KRTAP13-1: variants seen among roughly 807,000 people sequenced by gnomAD.
KRTAP13-1 encodes the protein keratin associated protein 13-1.
For missense variants in KRTAP13-1, 200 were observed against 204.8 expected (o/e 0.98, Z 0.14); for synonymous variants, 104 against 85.3 (o/e 1.22, Z -1.21).
rs113504861 is a variant in KRTAP13-1, at chr21:30,396,253, G to C, written c.167G>C (p.Cys56Ser). ...CQLGSSLYRG[C>S]QQTCWEPTSC... is the part of the protein sequence containing the mutation. Reference sequence around the variant, plus strand: ...CTGGGTTCCTCTCTCTATAGGGGCTGTCAGCAGACCTGCTGGGAGCCCACC... The same window carrying C: ...CTGGGTTCCTCTCTCTATAGGGGCTCTCAGCAGACCTGCTGGGAGCCCACC... Residue 56 changes from cysteine (C) to serine (S), a missense_variant, in exon 1 of 1, where the codon TGT (cysteine) becomes TCT (serine). Cys to Ser is a moderately radical substitution (Grantham distance 112, BLOSUM62 -1). Transcript: ENST00000355459. 2,155 of 1,614,138 alleles carry C rather than the reference G, an allele frequency of 1.3e-3. 23 individuals carry two copies. In the African/African-American group the frequency reaches 0.02, roughly 15 times the overall value.
chr21:30,396,577 C>A lies in KRTAP13-1; in HGVS notation c.491C>A (p.Pro164Gln), dbSNP rs773997384. 2.5e-6 allele frequency: 4 copies of A among 1,614,132 alleles called. No homozygotes were observed. The highest frequency in any genetic ancestry group is 3.4e-6 in the Non-Finnish European group (4 of 1,179,992). Residue 164 changes from proline (P) to glutamine (Q), a missense_variant, in exon 1 of 1, where the codon CCA becomes CAA. Coordinates refer to ENST00000355459, the MANE Select transcript of KRTAP13-1 (RefSeq NM_181599.3). ...SRSCQSSCYR[P>Q]TCGSGFYY ...AGCTGCCAGTCTTCTTGCTACAGAC[C>A]AACTTGTGGATCAGGCTTCTACTAT...
At position 30,396,193 on chromosome 21, in the gene KRTAP13-1, A is replaced by C. The variant is rs1205793723; in HGVS notation, c.107A>C (p.Tyr36Ser). 6.2e-7 allele frequency: 1 copy of C among 1,614,018 alleles called. No individual in the cohort carries two copies. The highest frequency in any genetic ancestry group is 1.3e-5 in the African/African-American group (1 of 74,894). ...TTTTCCTACCCCAGCAACCAGGTCTACAGCACTGACCTCTGCTCTCCCAGC... is the reference window on the plus strand; with the variant it reads ...TTTTCCTACCCCAGCAACCAGGTCTCCAGCACTGACCTCTGCTCTCCCAGC... ...CGFSYPSNQV[Y>S]STDLCSPSTC... Residue 36 changes from tyrosine (Y) to serine (S), a missense_variant, in exon 1 of 1, where the codon TAC becomes TCC. Coordinates refer to ENST00000355459, the MANE Select transcript of KRTAP13-1 (RefSeq NM_181599.3).
the KRTAP13-1 span, chr21:30,396,229 TG>T: frequency 5.6e-6 from 9 of 1,614,142 alleles, no homozygotes; most frequent in Non-Finnish European, 7.6e-6. Flanking sequence ...ACGTGCCAGC[TG>T]GGTTCCTCTC....
Position 30,396,739 on chromosome 21 carries a change from C to G in KRTAP13-1, c.*134C>G. 1.2e-6 allele frequency: 1 copy of G among 867,470 alleles called. No homozygotes were observed. The highest frequency in any genetic ancestry group is 2.0e-5 in the South Asian group (1 of 49,660). The allele number at this position is 867,470 out of a possible 1,614,324, so 53.7% of individuals were successfully genotyped here. ...TATCAAGTTCTCAGTTTGTCTTTGT[C>G]CCCAAATACTGGCTGGCAGGCTTCA... On this transcript the variant is annotated 3_prime_UTR_variant, in exon 1 of 1. Coordinates refer to ENST00000355459, the MANE Select transcript of KRTAP13-1 (RefSeq NM_181599.3).
chr21:30,396,756 C>T lies in KRTAP13-1; in HGVS notation c.*151C>T. On this transcript the variant is annotated 3_prime_UTR_variant, in exon 1 of 1. Coordinates refer to ENST00000355459, the MANE Select transcript of KRTAP13-1 (RefSeq NM_181599.3). ...GTCTTTGTCCCCAAATACTGGCTGG[C>T]AGGCTTCATCTGAAAAACTGTAATT... 1 of 713,404 alleles carries T rather than the reference C, an allele frequency of 1.4e-6. No homozygotes were observed. The highest frequency in any genetic ancestry group is 2.3e-6 in the Non-Finnish European group (1 of 443,008). 44.2% of individuals were successfully genotyped at this position (713,404 alleles called of 1,614,324 possible). A position where few individuals can be genotyped will look rare whatever the true frequency, so the allele number is the denominator to read the frequency against.
chr21:30,396,566 T>A lies in KRTAP13-1; in HGVS notation c.480T>A (p.Ser160=). 4.3e-6 allele frequency: 7 copies of A among 1,614,182 alleles called. No homozygotes were observed. Among genetic ancestry groups the A allele is most frequent in the Non-Finnish European group, 5.9e-6 (7 of 1,180,008 alleles). The change falls in exon 1 of 1, where the codon TCT becomes TCA. Residue 160 remains serine, a synonymous_variant. Transcript: ENST00000355459. ...TGGCTTCTAGGAGCTGCCAGTCTTC[T>A]TGCTACAGACCAACTTGTGGATCAG... ...TYLASRSCQS[S]CYRPTCGSGF...
At chr21:30,396,523 T>TCTGCCGC in the KRTAP13-1 span, 1 of 1,614,238 alleles carries the variant, frequency 6.2e-7, no homozygotes, top group Non-Finnish European at 8.5e-7. Context: ...GGCGTTGGAT[T>TCTGCCGC]CTGCCGCCCA....
chr21:30,396,706 T>A lies in KRTAP13-1; in HGVS notation c.*101T>A, dbSNP rs1025140420. 1 of 1,130,680 alleles carries A rather than the reference T, an allele frequency of 8.8e-7. No individual in the cohort carries two copies. The highest frequency in any genetic ancestry group is 1.2e-6 in the Non-Finnish European group (1 of 806,510). The allele number at this position is 1,130,680 out of a possible 1,614,324, so 70.0% of individuals were successfully genotyped here. ...TGTACAGAAAGAATTAGCCTCTTAT[T>A]CTATAATTATCAAGTTCTCAGTTTG... On this transcript the variant is annotated 3_prime_UTR_variant, in exon 1 of 1. Coordinates refer to ENST00000355459, the MANE Select transcript of KRTAP13-1 (RefSeq NM_181599.3).
rs1489739104 is a variant in KRTAP13-1, at chr21:30,396,399, A to G, written c.313A>G (p.Ser105Gly). The change falls in exon 1 of 1, where the codon AGC (serine) becomes GGC (glycine). Residue 105 changes from serine to glycine, a missense_variant. Ser to Gly is a moderately conservative substitution (Grantham distance 56). Coordinates refer to ENST00000355459, the MANE Select transcript of KRTAP13-1 (RefSeq NM_181599.3). Reference sequence around the variant, plus strand: ...CTCTGGGTCTCTAGGCTTTGGATCCAGCAGCTGCCGCTCCCTGGGCTATGG... The same window carrying G: ...CTCTGGGTCTCTAGGCTTTGGATCCGGCAGCTGCCGCTCCCTGGGCTATGG... Reference protein sequence around the residue: ...TYSGSLGFGSSSCRSLGYGSR... With the variant: ...TYSGSLGFGSGSCRSLGYGSR... 5.0e-6 allele frequency: 8 copies of G among 1,614,070 alleles called. No individual in the cohort carries two copies. The African/African-American group carries it at 1.1e-4, about 22-fold the overall frequency.
rs747438563 is a variant in KRTAP13-1, at chr21:30,396,539, C to T, written c.453C>T (p.Tyr151=). 1 of 1,614,218 alleles carries T rather than the reference C, an allele frequency of 6.2e-7. No individual in the cohort carries two copies. Among genetic ancestry groups the T allele is most frequent in the South Asian group, 1.1e-5 (1 of 91,086 alleles). Reference sequence around the variant, plus strand: ...GCGTTGGATTCTGCCGCCCAACCTACTTGGCTTCTAGGAGCTGCCAGTCTT... The same window carrying T: ...GCGTTGGATTCTGCCGCCCAACCTATTTGGCTTCTAGGAGCTGCCAGTCTT... ...GYGVGFCRPT[Y]LASRSCQSSC... Residue 151 remains tyrosine (Y), a synonymous_variant, in exon 1 of 1, where the codon TAC becomes TAT. Transcript: ENST00000355459.
rs771638413 is a variant in KRTAP13-1 at position 30,396,172 on chromosome 21, C to T, written c.86C>T (p.Ser29Phe). ...LHYPASSCGF[S>F]YPSNQVYSTD... ...TACCCAGCCTCCTCCTGTGGCTTTT[C>T]CTACCCCAGCAACCAGGTCTACAGC... Residue 29 changes from serine (S) to phenylalanine (F), a missense_variant, in exon 1 of 1, where the codon TCC becomes TTC. Physicochemically the swap from Ser to Phe is radical, Grantham distance 155. Coordinates refer to ENST00000355459, the MANE Select transcript of KRTAP13-1 (RefSeq NM_181599.3). 2 of 1,614,192 alleles carry T rather than the reference C, an allele frequency of 1.2e-6. No individual in the cohort carries two copies. Among genetic ancestry groups the T allele is most frequent in the Non-Finnish European group, 8.5e-7 (1 of 1,180,034 alleles).
At position 30,396,804 on chromosome 21, in the gene KRTAP13-1, C is replaced by A. The variant is rs1419891683; in HGVS notation, c.*199C>A. ...ATTGGAGAACTAGCTCAAAATAAAT[C>A]TTGAAATACACATTAAAAGTAGAAT... On this transcript the variant is annotated 3_prime_UTR_variant, in exon 1 of 1. Coordinates refer to ENST00000355459, the MANE Select transcript of KRTAP13-1 (RefSeq NM_181599.3). 8 of 563,304 alleles carry A rather than the reference C, an allele frequency of 1.4e-5. No individual in the cohort carries two copies. Among genetic ancestry groups the A allele is most frequent in the Non-Finnish European group, 2.5e-5 (8 of 314,844 alleles). 34.9% of individuals were successfully genotyped at this position (563,304 alleles called of 1,614,324 possible).
rs1235464301 is a variant in KRTAP13-1 at position 30,396,330 on chromosome 21, C to T, written c.244C>T (p.Arg82Cys). ...ESSPCQTSCY[R>C]PRTSLLCSPC... ...CAGCCCCTGCCAGACCTCCTGCTAC[C>T]GTCCCAGAACCTCCTTGCTCTGCAG... Residue 82 changes from arginine to cysteine, a missense_variant, in exon 1 of 1, where the codon CGT becomes TGT. By Grantham distance (180) the Arg-to-Cys change is radical. Transcript: ENST00000355459. The T allele has an allele frequency of 6.4e-5, 104 of 1,614,206 alleles. No individual in the cohort carries two copies. The highest frequency in any genetic ancestry group is 3.2e-4 in the Admixed American group (19 of 60,024).
chr21:30,396,274 C>T lies in KRTAP13-1; in HGVS notation c.188C>T (p.Pro63Leu). ...GGCTGTCAGCAGACCTGCTGGGAGC[C>T]CACCAGCTGCCAGACATCCTATGTG... ...YRGCQQTCWE[P>L]TSCQTSYVES... The change falls in exon 1 of 1, where the codon CCC becomes CTC. Residue 63 changes from proline to leucine, a missense_variant. Coordinates refer to ENST00000355459, the MANE Select transcript of KRTAP13-1 (RefSeq NM_181599.3). 1 of 1,614,178 alleles carries T rather than the reference C, an allele frequency of 6.2e-7. No homozygotes were observed. The highest frequency in any genetic ancestry group is 8.5e-7 in the Non-Finnish European group (1 of 1,180,014).
chr21:30,396,591 G>C lies in KRTAP13-1; in HGVS notation c.505G>C (p.Gly169Arg). 1 of 1,613,874 alleles carries C rather than the reference G, an allele frequency of 6.2e-7. No homozygotes were observed. The highest frequency in any genetic ancestry group is 8.5e-7 in the Non-Finnish European group (1 of 1,179,900). ...TTGCTACAGACCAACTTGTGGATCA[G>C]GCTTCTACTATTGATCATCTTGTTA... ...SSCYRPTCGSGFYY is the reference protein window; with the variant it reads ...SSCYRPTCGSRFYY The change falls in exon 1 of 1, where the codon GGC becomes CGC. Residue 169 changes from glycine to arginine, a missense_variant. Transcript: ENST00000355459.
rs1350178157 is a variant in KRTAP13-1, at chr21:30,396,380, G to A, written c.294G>A (p.Gly98=). ...LCSPCQTTYS[G]SLGFGSSSCR... ...GTCCCTGCCAGACAACTTACTCTGG[G>A]TCTCTAGGCTTTGGATCCAGCAGCT... The change falls in exon 1 of 1, where the codon GGG becomes GGA. Residue 98 remains glycine, a synonymous_variant. Coordinates refer to ENST00000355459, the MANE Select transcript of KRTAP13-1 (RefSeq NM_181599.3). 6.2e-7 allele frequency: 1 copy of A among 1,614,150 alleles called. No homozygotes were observed. Among genetic ancestry groups the A allele is most frequent in the South Asian group, 1.1e-5 (1 of 91,080 alleles).
Position 30,396,434 on chromosome 21 carries a change from C to G in KRTAP13-1, c.348C>G (p.Ser116Arg). 3.1e-6 allele frequency: 5 copies of G among 1,614,224 alleles called. No individual in the cohort carries two copies. Among genetic ancestry groups the G allele is most frequent in the Non-Finnish European group, 4.2e-6 (5 of 1,180,036 alleles). The change falls in exon 1 of 1, where the codon AGC becomes AGG. Residue 116 changes from serine to arginine, a missense_variant. Transcript: ENST00000355459. The part of the protein sequence containing the change: ...SCRSLGYGSR[S>R]CYSVGCGSSG... The stretch of plus-strand genomic sequence containing the variant: ...GCTCCCTGGGCTATGGATCGAGGAG[C>G]TGCTACTCAGTGGGCTGTGGGTCCA...
At position 30,396,616 on chromosome 21, in the gene KRTAP13-1, A is replaced by C. The variant is rs549661441; in HGVS notation, c.*11A>C. 6.2e-7 allele frequency: 1 copy of C among 1,611,560 alleles called. No individual in the cohort carries two copies. Among genetic ancestry groups the C allele is most frequent in the South Asian group, 1.1e-5 (1 of 90,872 alleles). On this transcript the variant is annotated 3_prime_UTR_variant, in exon 1 of 1. Transcript: ENST00000355459. ...GGCTTCTACTATTGATCATCTTGTT[A>C]AATTGCTGATTTTGTTGGCTAATGC... is the stretch of plus-strand genomic sequence containing the variant.
In KRTAP13-1 at chr21:30,396,293, C is replaced by T; in HGVS notation, c.207C>T (p.Ser69=). The T allele has an allele frequency of 6.2e-7, 1 of 1,614,152 alleles. No individual in the cohort carries two copies. Among genetic ancestry groups the T allele is most frequent in the Non-Finnish European group, 8.5e-7 (1 of 1,179,996 alleles). The part of the protein sequence containing the change: ...TCWEPTSCQT[S]YVESSPCQTS... ...GGGAGCCCACCAGCTGCCAGACATC[C>T]TATGTGGAGTCCAGCCCCTGCCAGA... Residue 69 remains serine, a synonymous_variant, in exon 1 of 1, where the codon TCC becomes TCT. Coordinates refer to ENST00000355459, the MANE Select transcript of KRTAP13-1 (RefSeq NM_181599.3).
Sources: allele counts gnomAD v4.1 joint callset, GRCh38; gene constraint gnomAD v4.1.1; transcripts MANE v1.5; gene names NCBI Gene and HGNC (gene_info 2026-07-23, HGNC 2026-07-21).